HLA-DRA: variants seen among roughly 807,000 people sequenced by gnomAD.
HLA-DRA encodes the protein major histocompatibility complex, class II, DR alpha.
A neutral mutation model predicts 22.1 loss-of-function variants in HLA-DRA; 8 were observed. That is an observed-to-expected ratio of 0.36 (90% CI 0.21 to 0.65). HLA-DRA has a LOEUF of 0.65. Among genes scored for constraint, HLA-DRA ranks in the 30% least tolerant of loss-of-function variants. HLA-DRA has a pLI of 0.63. For missense variants in HLA-DRA, 248 were observed against 321.3 expected (o/e 0.77, Z 1.74); for synonymous variants, 101 against 117.1 (o/e 0.86, Z 0.89).
chr6:32,443,462 C>G lies in HLA-DRA; in HGVS notation c.606C>G (p.His202Gln). 1 of 1,612,470 alleles carries G rather than the reference C, an allele frequency of 6.2e-7. No individual in the cohort carries two copies. Among genetic ancestry groups the G allele is most frequent in the Non-Finnish European group, 8.5e-7 (1 of 1,179,516 alleles). The change falls in exon 3 of 5, where the codon CAC (histidine) becomes CAG (glutamine). Residue 202 changes from histidine (H) to glutamine (Q), a missense_variant. Transcript: ENST00000395388. ...HWGLDEPLLK[H>Q]WEFDAPSPLP... is the part of the protein sequence containing the mutation. ...GCTTGGATGAGCCTCTTCTCAAGCACTGGGGTATGGACCAACACTCAATCT... is the reference window on the plus strand; with the variant it reads ...GCTTGGATGAGCCTCTTCTCAAGCAGTGGGGTATGGACCAACACTCAATCT...
intron 1 of HLA-DRA, among the ~76,000 whole-genome samples, chr6:32,440,871 C>G (rs1170277501): frequency 1.3e-5 from 2 of 152,134 alleles, no homozygotes; most frequent in Admixed American, 1.3e-4. Context: ...AAGTAATAAC[C>G]CAGCTCCCAT....
rs769243656 is a variant in HLA-DRA at position 32,443,320 on chromosome 6, C to T, written c.464C>T (p.Thr155Ile). 7 of 1,613,086 alleles carry T rather than the reference C, an allele frequency of 4.3e-6. No individual in the cohort carries two copies. The South Asian group carries it at 7.7e-5, about 18-fold the overall frequency. Residue 155 changes from threonine to isoleucine, a missense_variant, in exon 3 of 5, where the codon ACA becomes ATA. Coordinates refer to ENST00000395388, the MANE Select transcript of HLA-DRA (RefSeq NM_019111.5). ...TWLRNGKPVT[T>I]GVSETVFLPR... ...CTTCGAAATGGAAAACCTGTCACCA[C>T]AGGAGTGTCAGAGACAGTCTTCCTG...
At position 32,442,428 on chromosome 6, in the gene HLA-DRA, C is replaced by G. The variant is rs531979777; in HGVS notation, c.83-20C>G. ...TGATTCCCCCCACCCAACTCTCTTT[C>G]TCCATTTCTTGCCTTTCAGAAGAAC... On this transcript the variant is annotated intron_variant, in intron 1 of 4. Coordinates refer to ENST00000395388, the MANE Select transcript of HLA-DRA (RefSeq NM_019111.5). 18 of 1,612,766 alleles carry G rather than the reference C, an allele frequency of 1.1e-5. No individual in the cohort carries two copies. The highest frequency in any genetic ancestry group is 1.5e-5 in the Non-Finnish European group (18 of 1,179,802).
chr6:32,440,445 A>G (rs1039785452), intron 1 of HLA-DRA, among the ~76,000 whole-genome samples: 19 of 151,516 alleles, frequency 1.3e-4, no homozygotes, highest in African/African-American at 3.2e-4. Context: ...AAAAAAAGTT[A>G]TTAGCCCTGT....
chr6:32,443,594 C>A, intron 3 of HLA-DRA, 128 bp downstream of exon 3: 1 of 1,138,922 alleles, frequency 8.8e-7, no homozygotes, highest in Non-Finnish European at 1.3e-6. Context: ...TACTATCCAG[C>A]TTCCTCCTTT....
chr6:32,443,573 C>A, intron 3 of HLA-DRA, 107 bp downstream of exon 3: 1 of 1,162,204 alleles, frequency 8.6e-7, no homozygotes, highest in Non-Finnish European at 1.2e-6. Context: ...ATTAATATAA[C>A]TGTCTTCTCC....
At chr6:32,440,062 G>A (rs762033414) in intron 1 of HLA-DRA, 30 bp downstream of exon 1, 3 of 1,558,026 alleles carry the variant, frequency 1.9e-6, no homozygotes, top group South Asian at 2.2e-5. Context: ...AATCTGGGAC[G>A]ATAGACTACG....
At chr6:32,443,084 G>C in intron 2 of HLA-DRA, 101 bp from the exon 3 acceptor site, 1 of 1,067,176 alleles carries the variant, frequency 9.4e-7, no homozygotes, top group Non-Finnish European at 1.4e-6. Flanking sequence ...TCAGCTTTAG[G>C]GTTTTTAGAT....
chr6:32,441,846 AC>A (rs1318863438), intron 1 of HLA-DRA, among the ~76,000 whole-genome samples: 6 of 152,260 alleles, frequency 3.9e-5, no homozygotes, highest in African/African-American at 1.4e-4. Context: ...AATCTTAAAA[AC>A]AAACCCCTGA....
At chr6:32,443,014 C>T (rs1028692571) in intron 2 of HLA-DRA, among the ~76,000 whole-genome samples, 171 bp from the exon 3 acceptor site, 5 of 152,150 alleles carry the variant, frequency 3.3e-5, no homozygotes, top group Non-Finnish European at 2.9e-5. Context: ...GGGGTGCTGT[C>T]AGAGATTGTT....
At chr6:32,441,921 T>C (rs1187755941) in intron 1 of HLA-DRA, among the ~76,000 whole-genome samples, 1 of 152,240 alleles carries the variant, frequency 6.6e-6, no homozygotes, top group Non-Finnish European at 1.5e-5. Flanking sequence ...TAGAATAATC[T>C]GCTCAGGATC....
At chr6:32,440,708 G>C (rs1762564197) in intron 1 of HLA-DRA, among the ~76,000 whole-genome samples, 1 of 152,168 alleles carries the variant, frequency 6.6e-6, no homozygotes, top group Non-Finnish European at 1.5e-5. Context: ...ATTTCCAAGA[G>C]AGTAGAAAAA....
chr6:32,440,742 A>T (rs1762565869), intron 1 of HLA-DRA, among the ~76,000 whole-genome samples: 1 of 152,192 alleles, frequency 6.6e-6, no homozygotes, highest in Non-Finnish European at 1.5e-5. Flanking sequence ...GGGGAATCTG[A>T]TATTATTCTC....
intron 1 of HLA-DRA, 74 bp from the exon 2 acceptor site, chr6:32,442,374 A>G (rs1762672312): frequency 1.9e-6 from 3 of 1,552,156 alleles, no homozygotes; most frequent in Non-Finnish European, 2.7e-6. Flanking sequence ...TCCTGCCTAC[A>G]TGTATGTAGG....
chr6:32,444,961 C>T lies in HLA-DRA; in HGVS notation c.*321C>T, dbSNP rs1406421694. On this transcript the variant is annotated 3_prime_UTR_variant, in exon 5 of 5. Coordinates refer to ENST00000395388, the MANE Select transcript of HLA-DRA (RefSeq NM_019111.5). ...CTCTGCTATGGAATGCCCCATGGGG[C>T]ATCTCTTGTGTACTTATTGTTTAAG... 1.9e-5 allele frequency: 3 copies of T among 153,964 alleles called. No individual in the cohort carries two copies. The highest frequency in any genetic ancestry group is 4.4e-5 in the Non-Finnish European group (3 of 68,134). 9.5% of individuals were successfully genotyped at this position (153,964 alleles called of 1,614,324 possible).
At chr6:32,444,183 C>T (rs1376071942) in intron 4 of HLA-DRA, among the ~76,000 whole-genome samples, 1 of 151,836 alleles carries the variant, frequency 6.6e-6, no homozygotes, top group Non-Finnish European at 1.5e-5. Flanking sequence ...CATTGTTTCA[C>T]ATTAGAATAC....
intron 4 of HLA-DRA, 91 bp downstream of exon 4, chr6:32,444,012 A>T (rs1474926417): frequency 6.3e-6 from 6 of 947,696 alleles, no homozygotes; most frequent in Non-Finnish European, 9.0e-6. Context: ...CATTTAAGAG[A>T]CAAGGTAGGA....
Position 32,443,095 on chromosome 6 carries a change from A to G in HLA-DRA, c.329-90A>G. ...TTTTTCAGCTTTAGGGTTTTTAGATACGTTTGTACCACAATTGAGCATGGG... is the reference window on the plus strand; with the variant it reads ...TTTTTCAGCTTTAGGGTTTTTAGATGCGTTTGTACCACAATTGAGCATGGG... On this transcript the variant is annotated intron_variant, in intron 2 of 4. Transcript: ENST00000395388. 2.6e-6 allele frequency: 3 copies of G among 1,161,138 alleles called. No individual in the cohort carries two copies. In the East Asian group the frequency reaches 7.1e-5, roughly 28 times the overall value. 71.9% of individuals were successfully genotyped at this position (1,161,138 alleles called of 1,614,324 possible).
intron 1 of HLA-DRA, among the ~76,000 whole-genome samples, chr6:32,441,130 G>A (rs3129879): frequency 0.27 from 40,837 of 152,060 alleles, 5,801 homozygotes; most frequent in Non-Finnish European, 0.3. Context: ...AGGCCGAGGC[G>A]GGCGGATCAT....
Sources: gnomAD v4.1 joint callset for allele counts (sites outside exome capture counted in the v4.1 genomes callset) on GRCh38, gnomAD v4.1.1 for gene constraint, MANE v1.5 for transcripts, NCBI Gene and HGNC (gene_info 2026-07-23, HGNC 2026-07-21) for gene names.